ARSJ: variants seen among roughly 807,000 people sequenced by gnomAD.
ARSJ encodes the protein arylsulfatase family member J.
Under a neutral mutation model 35.9 loss-of-function variants are expected in ARSJ, and 26 were observed. The ratio of observed to expected loss-of-function variants is 0.72; its 90% CI spans 0.53 to 1.00. ARSJ has a LOEUF of 1.00. ARSJ is among the 50% of genes least tolerant of loss of function. The pLI is 0.00. For missense variants in ARSJ, 667 were observed against 723.6 expected, an observed-to-expected ratio of 0.92 and a Z score of 0.90; for synonymous variants, 294 against 267.6, an observed-to-expected ratio of 1.10 and a Z score of -0.96.
At chr4:113,935,063 A>T (rs1014588449) in intron 1 of ARSJ, among the ~76,000 whole-genome samples, 2 of 151,844 alleles carry the variant, frequency 1.3e-5, no homozygotes, top group Non-Finnish European at 2.9e-5. Flanking sequence ...TAAAATGGGA[A>T]TTAGCAATGT....
chr4:113,946,804 T>C (rs1016258389), intron 1 of ARSJ, among the ~76,000 whole-genome samples: 1 of 152,152 alleles, frequency 6.6e-6, no homozygotes, highest in Non-Finnish European at 1.5e-5. Context: ...TAAAATTATT[T>C]TGGCGACTTG....
chr4:113,963,454 G>C (rs532087188), intron 1 of ARSJ, among the ~76,000 whole-genome samples: 1 of 151,984 alleles, frequency 6.6e-6, no homozygotes, highest in Non-Finnish European at 1.5e-5. Flanking sequence ...AGAGGGAAAA[G>C]CGCCTTATAA....
intron 1 of ARSJ, among the ~76,000 whole-genome samples, chr4:113,946,978 G>A (rs1725529805): frequency 2.6e-5 from 4 of 152,040 alleles, no homozygotes; most frequent in Non-Finnish European, 4.4e-5. Context: ...TACATTAGAG[G>A]AGAGGCATCA....
chr4:113,952,879 A>G (rs1357298201), intron 1 of ARSJ, among the ~76,000 whole-genome samples: 1 of 152,076 alleles, frequency 6.6e-6, no homozygotes, highest in Non-Finnish European at 1.5e-5. Context: ...AGGAAGTTTG[A>G]TATCAATGCC....
At chr4:113,955,774 T>C (rs1726143312) in intron 1 of ARSJ, among the ~76,000 whole-genome samples, 1 of 152,130 alleles carries the variant, frequency 6.6e-6, no homozygotes, top group South Asian at 2.1e-4. Context: ...ATTTTGACTC[T>C]ATAATGAAGT....
At chr4:113,931,576 C>G (rs1313248517) in intron 1 of ARSJ, among the ~76,000 whole-genome samples, 1 of 151,914 alleles carries the variant, frequency 6.6e-6, no homozygotes, top group African/African-American at 2.4e-5. Flanking sequence ...ACTATTTTTA[C>G]CAGTTATGAT....
At chr4:113,939,939 G>A (rs191174001) in intron 1 of ARSJ, among the ~76,000 whole-genome samples, 94 of 151,994 alleles carry the variant, frequency 6.2e-4, no homozygotes, top group African/African-American at 2.2e-3. Flanking sequence ...GATCCCATTT[G>A]TCAATTTTGG....
chr4:113,967,392 A>G (rs1412831149), intron 1 of ARSJ, among the ~76,000 whole-genome samples: 1 of 152,180 alleles, frequency 6.6e-6, no homozygotes, highest in Non-Finnish European at 1.5e-5. Context: ...ATTCAGTTAA[A>G]TCTAAAACTT....
At chr4:113,920,904 G>C (rs1350523383) in intron 1 of ARSJ, among the ~76,000 whole-genome samples, 1 of 152,012 alleles carries the variant, frequency 6.6e-6, no homozygotes, top group Non-Finnish European at 1.5e-5. Context: ...CTGAACCACT[G>C]ACAAGCATTA....
chr4:113,943,947 T>C (rs903447020), intron 1 of ARSJ, among the ~76,000 whole-genome samples: 2 of 152,086 alleles, frequency 1.3e-5, no homozygotes, highest in Non-Finnish European at 2.9e-5. Flanking sequence ...ATTTGGATTT[T>C]ATTCTCATTG....
intron 1 of ARSJ, among the ~76,000 whole-genome samples, chr4:113,969,390 T>G (rs1727099361): frequency 6.6e-6 from 1 of 152,258 alleles, no homozygotes; most frequent in South Asian, 2.1e-4. Context: ...CAGATTAAAA[T>G]TGGATGAGAG....
chr4:113,956,075 G>A (rs765712820), intron 1 of ARSJ, among the ~76,000 whole-genome samples: 13 of 152,052 alleles, frequency 8.5e-5, no homozygotes, highest in East Asian at 3.9e-4. Context: ...TCAGCCTCCC[G>A]AGTAGCTGGG....
At chr4:113,975,043 G>T (rs1727506950) in intron 1 of ARSJ, among the ~76,000 whole-genome samples, 1 of 152,068 alleles carries the variant, frequency 6.6e-6, no homozygotes, top group Non-Finnish European at 1.5e-5. Flanking sequence ...AATGCTAAAA[G>T]AAACCAGACA....
intron 1 of ARSJ, among the ~76,000 whole-genome samples, chr4:113,920,233 A>G (rs950900567): frequency 6.6e-6 from 1 of 152,184 alleles, no homozygotes; most frequent in Admixed American, 6.6e-5. Flanking sequence ...CAGAGTATTC[A>G]TGTTTGCATG....
chr4:113,946,879 G>C (rs942416233), intron 1 of ARSJ, among the ~76,000 whole-genome samples: 2 of 151,902 alleles, frequency 1.3e-5, no homozygotes, highest in Admixed American at 1.3e-4. Flanking sequence ...TCTAAAATTT[G>C]TTTACTTTAT....
chr4:113,948,755 A>G (rs1434403586), intron 1 of ARSJ, among the ~76,000 whole-genome samples: 1 of 152,118 alleles, frequency 6.6e-6, no homozygotes, highest in Non-Finnish European at 1.5e-5. Context: ...ACAATCCAGC[A>G]CTGTGACATG....
intron 1 of ARSJ, among the ~76,000 whole-genome samples, chr4:113,941,819 A>C (rs1725178608): frequency 6.6e-6 from 1 of 152,062 alleles, no homozygotes; most frequent in Non-Finnish European, 1.5e-5. Flanking sequence ...AATGATTAAA[A>C]ATCTTTTCAT....
At position 113,908,842 on chromosome 4, in the gene ARSJ, A is replaced by G. The variant is rs181766803; in HGVS notation, c.399-5167T>C. On this transcript the variant is annotated intron_variant, in intron 1 of 1. Transcript: ENST00000315366. ...ATTTCTTTTTGCATCCCAATGAATC[A>G]TCTTGCATTACCCTTTGGTGTATGT... is the stretch of plus-strand genomic sequence containing the variant. Among the ~76,000 whole-genome samples, 48 of 152,302 alleles carry G rather than the reference A, an allele frequency of 3.2e-4. 1 individual carries two copies. The East Asian group carries it at 8.7e-3, about 28-fold the overall frequency.
chr4:113,911,124 G>A (rs1179798576), intron 1 of ARSJ, among the ~76,000 whole-genome samples: 1 of 152,166 alleles, frequency 6.6e-6, no homozygotes, highest in Admixed American at 6.5e-5. Flanking sequence ...TTGAAGGGAA[G>A]ACAAAGTGTT....
Sources: allele counts gnomAD v4.1 joint callset (sites outside exome capture counted in the v4.1 genomes callset), GRCh38; gene constraint gnomAD v4.1.1; transcripts MANE v1.5; gene names NCBI Gene and HGNC (gene_info 2026-07-23, HGNC 2026-07-21).